The following GABPB1 variants were observed in gnomAD, a reference collection of about 807,000 sequenced individuals.
GABPB1 encodes the protein GA binding protein transcription factor subunit beta 1, also known as GA-binding protein subunit beta-1.
Under a neutral mutation model 45.9 loss-of-function variants are expected in GABPB1, and 15 were observed. The observed-to-expected ratio is 0.33, with a 90% CI of 0.22 to 0.50. The LOEUF (loss-of-function observed/expected upper bound fraction) is 0.50. GABPB1 is among the 20% of genes least tolerant of loss of function. The pLI is 0.98. For missense variants in GABPB1, 252 were observed against 457.5 expected, an observed-to-expected ratio of 0.55 and a Z score of 4.10; for synonymous variants, 143 against 154.4, an observed-to-expected ratio of 0.93 and a Z score of 0.55.
intron 1 of GABPB1, among the ~76,000 whole-genome samples, chr15:50,319,345 G>A (rs1041507093): frequency 3.9e-5 from 6 of 152,000 alleles, no homozygotes; most frequent in Non-Finnish European, 7.4e-5. Flanking sequence ...ATATTGCATC[G>A]TGGTGAAGTC....
Position 50,277,303 on chromosome 15 carries a change from T to C in GABPB1, c.*1329A>G, listed in dbSNP as rs1386777316. On this transcript the variant is annotated 3_prime_UTR_variant, in exon 9 of 9. Transcript: ENST00000380877. The stretch of plus-strand genomic sequence containing the variant: ...TGCAAAATAGAAAAGTAGGCCAGAG[T>C]ACAGTTTTAAGGGTAATTGCTTTTT... The C allele has an allele frequency of 6.6e-6, 1 of 151,960 alleles. No individual in the cohort carries two copies. Among genetic ancestry groups the C allele is most frequent in the Non-Finnish European group, 1.5e-5 (1 of 67,970 alleles). 9.4% of individuals were successfully genotyped at this position (151,960 alleles called of 1,614,324 possible). A position where few individuals can be genotyped will look rare whatever the true frequency, so the allele number is the denominator to read the frequency against.
chr15:50,346,848 C>T (rs1595851097), intron 1 of GABPB1, among the ~76,000 whole-genome samples: 2 of 145,068 alleles, frequency 1.4e-5, no homozygotes, highest in African/African-American at 5.2e-5. Flanking sequence ...AGTGCAGTGG[C>T]GCCATCTCGG....
chr15:50,301,228 C>T, intron 5 of GABPB1, 29 bp downstream of exon 5: 1 of 1,613,382 alleles, frequency 6.2e-7, no homozygotes, highest in Non-Finnish European at 8.5e-7. Context: ...TACCTGTTGC[C>T]TTGGATGAAT....
In GABPB1 at chr15:50,289,478, C is replaced by A; in HGVS notation, c.883+5G>T. 1 of 1,578,116 alleles carries A rather than the reference C, an allele frequency of 6.3e-7. No individual in the cohort carries two copies. The highest frequency in any genetic ancestry group is 8.6e-7 in the Non-Finnish European group (1 of 1,156,960). On this transcript the variant is annotated splice_donor_5th_base_variant and intron_variant, in intron 7 of 8. Transcript: ENST00000380877. ...ACAAACTTTATATAAATGTCTACTA[C>A]TAACCTTGTTGTCCATCTGGCATGG...
intron 1 of GABPB1, among the ~76,000 whole-genome samples, chr15:50,341,485 A>G (rs896302124): frequency 2.0e-5 from 3 of 152,078 alleles, no homozygotes; most frequent in African/African-American, 7.2e-5. Context: ...GTGAGCCGAG[A>G]TCGCGCCATT....
At chr15:50,346,246 G>A (rs1042729040) in intron 1 of GABPB1, 2 of 152,146 alleles carry the variant, frequency 1.3e-5, no homozygotes, top group African/African-American at 2.4e-5. Flanking sequence ...GAGTTAAAGA[G>A]GAAGAAGGAA....
chr15:50,299,697 C>A (rs1402743045), intron 6 of GABPB1, among the ~76,000 whole-genome samples: 1 of 152,158 alleles, frequency 6.6e-6, no homozygotes, highest in African/African-American at 2.4e-5. Context: ...CCGCACCCAG[C>A]CAGGTAACCC....
chr15:50,351,269 GTTCTACCAAC>G (rs1385577487), intron 1 of GABPB1: 1 of 152,246 alleles, frequency 6.6e-6, no homozygotes, highest in Non-Finnish European at 1.5e-5. Context: ...TCAATAAGCT[GTTCTACCAAC>G]TTCAGAATTA....
chr15:50,306,796 T>A (rs528130941), intron 2 of GABPB1, among the ~76,000 whole-genome samples: 2 of 152,106 alleles, frequency 1.3e-5, no homozygotes, highest in Non-Finnish European at 2.9e-5. Flanking sequence ...TGAGTTTTAT[T>A]TAAACAGAAT....
At chr15:50,283,564 G>A (rs2046061435) in intron 8 of GABPB1, among the ~76,000 whole-genome samples, 1 of 151,262 alleles carries the variant, frequency 6.6e-6, no homozygotes, top group Non-Finnish European at 1.5e-5. Flanking sequence ...AGGCTGGAGT[G>A]CAATGGCATA....
chr15:50,353,493 C>T (rs936850369), intron 1 of GABPB1: 8 of 151,094 alleles, frequency 5.3e-5, no homozygotes, highest in Non-Finnish European at 8.8e-5. Context: ...TTCTATTAAA[C>T]CAGGCATTAA....
At chr15:50,323,457 A>G (rs1289237291) in intron 1 of GABPB1, among the ~76,000 whole-genome samples, 1 of 152,224 alleles carries the variant, frequency 6.6e-6, no homozygotes, top group Non-Finnish European at 1.5e-5. Flanking sequence ...TGCAGAGGCA[A>G]GAAGTGGCTG....
At chr15:50,354,794 C>CCCAGGCCGACCCCGCCGA (rs2049031840) in intron 1 of GABPB1, 191 bp downstream of exon 1, 1 of 228,990 alleles carries the variant, frequency 4.4e-6, no homozygotes, top group African/African-American at 2.4e-5. Context: ...GGCGCGGGCG[C>CCCAGGCCGACCCCGCCGA]CCAGGCCGAC....
rs1186857266 is a variant in GABPB1, at chr15:50,276,558, T to C, written c.*2074A>G. On this transcript the variant is annotated 3_prime_UTR_variant, in exon 9 of 9. Coordinates refer to ENST00000380877, the MANE Select transcript of GABPB1 (RefSeq NM_016654.5). ...CTCCCATCTATGCCAGCTGTTGTTA[T>C]TAGGAATCAAAATTATTTCTTGCAC... The C allele has an allele frequency of 6.6e-6, 1 of 151,962 alleles. No homozygotes were observed. The highest frequency in any genetic ancestry group is 1.5e-5 in the Non-Finnish European group (1 of 68,034). The allele number at this position is 151,962 out of a possible 1,614,324, so 9.4% of individuals were successfully genotyped here.
intron 1 of GABPB1, chr15:50,314,472 C>CG (rs1307358874): frequency 1.3e-5 from 2 of 152,564 alleles, no homozygotes; most frequent in African/African-American, 4.8e-5. Flanking sequence ...CGTGAGCCAC[C>CG]GCGCCCGGCC....
chr15:50,342,894 TTTTG>T lies in GABPB1; in HGVS notation c.-1+12087_-1+12090del, dbSNP rs561240470. ...CTTCAATGAAGGACTTAACATTTGTTTTTGTTTGTTTGTTTGTTTGTTTTGAGAT... is the reference window on the plus strand; with the variant it reads ...CTTCAATGAAGGACTTAACATTTGTTTTTGTTTGTTTGTTTGTTTTGAGAT... On this transcript the variant is annotated intron_variant, in intron 1 of 8. Transcript: ENST00000380877. Among the ~76,000 whole-genome samples the T allele has an allele frequency of 2.4e-4, 36 of 152,252 alleles. 1 individual carries two copies. The Middle Eastern group carries it at 0.01, about 43-fold the overall frequency.
At chr15:50,289,452 T>A (rs754395041) in intron 7 of GABPB1, 31 bp downstream of exon 7, 12 of 1,330,696 alleles carry the variant, frequency 9.0e-6, no homozygotes, top group South Asian at 3.0e-5. Context: ...AAAAAAAACA[T>A]ACAAACTTTA....
At chr15:50,300,964 A>C (rs2046720309) in intron 5 of GABPB1, 62 bp from the exon 6 acceptor site, 1 of 1,040,718 alleles carries the variant, frequency 9.6e-7, no homozygotes, top group African/African-American at 1.6e-5. Context: ...CATATTTCTG[A>C]TATTCTATTT....
chr15:50,309,886 T>A, intron 1 of GABPB1, 88 bp from the exon 2 acceptor site: 1 of 788,164 alleles, frequency 1.3e-6, no homozygotes, highest in Non-Finnish European at 2.2e-6. Context: ...TATTAATAAG[T>A]CAGTTCTCAA....
Sources: gnomAD v4.1 joint callset for allele counts (sites outside exome capture counted in the v4.1 genomes callset) on GRCh38, gnomAD v4.1.1 for gene constraint, MANE v1.5 for transcripts, NCBI Gene and HGNC (gene_info 2026-07-23, HGNC 2026-07-21) for gene names.